Variants in LMBR1 observed in about 807,000 individuals in gnomAD.
The protein encoded by LMBR1 is limb region 1 protein homolog.
LMBR1 carries 52 observed loss-of-function variants against 73.9 expected under a neutral mutation model. The ratio of observed to expected loss-of-function variants is 0.70; its 90% CI spans 0.56 to 0.89. The LOEUF (loss-of-function observed/expected upper bound fraction) is 0.89. Ranked by LOEUF, LMBR1 falls within the 40% of genes least tolerant of loss-of-function variation. LMBR1 has a pLI of 0.00. For missense variants in LMBR1, 539 were observed against 579.8 expected, an observed-to-expected ratio of 0.93 and a Z score of 0.72; for synonymous variants, 215 against 209.4, an observed-to-expected ratio of 1.03 and a Z score of -0.23.
At chr7:156,732,105 A>C (rs1816945203) in intron 10 of LMBR1, among the ~76,000 whole-genome samples, 1 of 152,112 alleles carries the variant, frequency 6.6e-6, no homozygotes, top group South Asian at 2.1e-4. Flanking sequence ...ATTTTCAAGA[A>C]CATAACACTG....
intron 10 of LMBR1, among the ~76,000 whole-genome samples, chr7:156,729,543 G>A (rs1426575899): frequency 1.3e-5 from 2 of 149,476 alleles, no homozygotes; most frequent in African/African-American, 2.5e-5. Context: ...GCACAATCTC[G>A]GCTCACTGCA....
downstream of LMBR1, chr7:156,675,736 C>T (rs1240163997): frequency 6.2e-7 from 1 of 1,613,818 alleles, no homozygotes; most frequent in Admixed American, 1.7e-5. Flanking sequence ...TCATACAACA[C>T]CAACATTGAA....
At chr7:156,710,749 G>C (rs903602271) in intron 15 of LMBR1, among the ~76,000 whole-genome samples, 37 of 152,246 alleles carry the variant, frequency 2.4e-4, no homozygotes, top group African/African-American at 7.9e-4. Flanking sequence ...ACGAAGGAAA[G>C]AATCTTAAAA....
At chr7:156,786,640 GA>G (rs1196797327) in intron 5 of LMBR1, among the ~76,000 whole-genome samples, 1 of 152,136 alleles carries the variant, frequency 6.6e-6, no homozygotes, top group Non-Finnish European at 1.5e-5. Context: ...AAATTACTAA[GA>G]GTTTAGTTGA....
intron 1 of LMBR1, 194 bp downstream of exon 1, chr7:156,892,734 G>GGGAGA (rs1175209763): frequency 5.8e-5 from 23 of 398,408 alleles, no homozygotes; most frequent in South Asian, 5.1e-5. Context: ...GGGAGGGGAG[G>GGGAGA]GGAGAGGAGA....
At chr7:156,750,055 C>T (rs979163333) in intron 9 of LMBR1, among the ~76,000 whole-genome samples, 2 of 152,028 alleles carry the variant, frequency 1.3e-5, no homozygotes, top group African/African-American at 2.4e-5. Flanking sequence ...AGATGAAAAT[C>T]GTATCTAAAG....
intron 5 of LMBR1, among the ~76,000 whole-genome samples, chr7:156,770,881 T>A (rs745692002): frequency 6.6e-6 from 1 of 152,074 alleles, no homozygotes; most frequent in Non-Finnish European, 1.5e-5. Flanking sequence ...GCTAGTGCAC[T>A]CTAACCTGGG....
chr7:156,762,869 G>C (rs539625285), intron 7 of LMBR1, among the ~76,000 whole-genome samples: 2 of 151,440 alleles, frequency 1.3e-5, no homozygotes, highest in South Asian at 4.2e-4. Flanking sequence ...GTGTGTGTGT[G>C]TGTCTGTCCG....
At chr7:156,832,991 G>T (rs971000066) in intron 3 of LMBR1, among the ~76,000 whole-genome samples, 1 of 152,128 alleles carries the variant, frequency 6.6e-6, no homozygotes, top group African/African-American at 2.4e-5. Context: ...GAGTGGTACC[G>T]CTGTCTATGC....
chr7:156,836,744 T>C (rs1361029924), intron 2 of LMBR1, 69 bp downstream of exon 2: 1 of 974,668 alleles, frequency 1.0e-6, no homozygotes, highest in Admixed American at 2.6e-5. Context: ...TGTACTAATA[T>C]ATCTTATATA....
chr7:156,831,817 A>C (rs1836747169), intron 3 of LMBR1, among the ~76,000 whole-genome samples: 1 of 152,228 alleles, frequency 6.6e-6, no homozygotes, highest in Non-Finnish European at 1.5e-5. Context: ...TAAATTACGG[A>C]TCTACGAGTA....
chr7:156,726,086 T>C, intron 12 of LMBR1: 1 of 365,504 alleles, frequency 2.7e-6, no homozygotes, highest in Non-Finnish European at 4.9e-6. Flanking sequence ...AAGTTACTTG[T>C]CAAGATGACA....
At chr7:156,746,735 CTT>C (rs1243064973) in intron 9 of LMBR1, among the ~76,000 whole-genome samples, 1 of 152,060 alleles carries the variant, frequency 6.6e-6, no homozygotes, top group Admixed American at 6.5e-5. Flanking sequence ...GAAATGTAAG[CTT>C]TTTTGAGTAA....
intron 1 of LMBR1, among the ~76,000 whole-genome samples, chr7:156,846,717 T>C (rs1163754441): frequency 6.6e-6 from 1 of 152,062 alleles, no homozygotes; most frequent in African/African-American, 2.4e-5. Context: ...AAGCAAAAGA[T>C]CCAGAATAGT....
chr7:156,776,970 C>G (rs1040589734), intron 5 of LMBR1, among the ~76,000 whole-genome samples: 1 of 149,136 alleles, frequency 6.7e-6, no homozygotes, highest in Non-Finnish European at 1.5e-5. Flanking sequence ...TCTCGCCTGT[C>G]GCCCAGGCTG....
chr7:156,680,403 A>AGAGAGTGTGTGTGTGTGTGTGT lies in LMBR1; in HGVS notation c.*3674_*3675insACACACACACACACACACTCTC, dbSNP rs1343950098. 8.0e-6 allele frequency: 1 copy of AGAGAGTGTGTGTGTGTGTGTGT among 125,068 alleles called. No homozygotes were observed. Among genetic ancestry groups the AGAGAGTGTGTGTGTGTGTGTGT allele is most frequent in the African/African-American group, 3.1e-5 (1 of 32,560 alleles). The allele number at this position is 125,068 out of a possible 1,614,324, so 7.7% of individuals were successfully genotyped here. On this transcript the variant is annotated 3_prime_UTR_variant, in exon 17 of 17. Transcript: ENST00000353442. ...GAGAGAGAGAGAGAGAGAGAGAGAGAGTGTGTGTGTGTGTGTGTGTGTAAT... is the reference window on the plus strand; with the variant it reads ...GAGAGAGAGAGAGAGAGAGAGAGAGAGAGAGTGTGTGTGTGTGTGTGTGTGTGTGTGTGTGTGTGTGTGTAAT...
chr7:156,747,105 T>C (rs1819983124), intron 9 of LMBR1, among the ~76,000 whole-genome samples: 1 of 152,120 alleles, frequency 6.6e-6, no homozygotes, highest in African/African-American at 2.4e-5. Flanking sequence ...ATTGTAAGAG[T>C]ATCTATTTGC....
At chr7:156,726,897 C>G (rs1187497199) in intron 12 of LMBR1, among the ~76,000 whole-genome samples, 3 of 151,956 alleles carry the variant, frequency 2.0e-5, no homozygotes, top group Non-Finnish European at 4.4e-5. Context: ...ATGAACAGGC[C>G]TTGCTAAATC....
intron 1 of LMBR1, among the ~76,000 whole-genome samples, chr7:156,857,110 G>T (rs1202242602): frequency 6.6e-6 from 1 of 151,332 alleles, no homozygotes; most frequent in Admixed American, 6.6e-5. Context: ...AAACCACCAA[G>T]AACAAGGACA....
Sources: gnomAD v4.1 joint callset for allele counts (sites outside exome capture counted in the v4.1 genomes callset) on GRCh38, gnomAD v4.1.1 for gene constraint, MANE v1.5 for transcripts, NCBI Gene and HGNC (gene_info 2026-07-23, HGNC 2026-07-21) for gene names.